TMPRSS3: variants seen among roughly 807,000 people sequenced by gnomAD.
The protein encoded by TMPRSS3 is transmembrane protease serine 3.
A neutral mutation model predicts 59.6 loss-of-function variants in TMPRSS3; 55 were observed. The observed-to-expected ratio is 0.92, with a 90% CI of 0.74 to 1.16. TMPRSS3 has a LOEUF of 1.16. Among genes scored for constraint, TMPRSS3 ranks in the 50% most tolerant of loss-of-function variants. TMPRSS3 has a pLI of 0.00. For synonymous variants in TMPRSS3, 257 were observed against 237.7 expected (o/e 1.08, Z -0.75); for missense variants, 596 against 579.4 (o/e 1.03, Z -0.29).
chr21:42,389,335 G>C (rs774518343), intron 3 of TMPRSS3, among the ~76,000 whole-genome samples: 1 of 152,200 alleles, frequency 6.6e-6, no homozygotes, highest in Non-Finnish European at 1.5e-5. Context: ...ACTGCATGGC[G>C]GGGGGCCGAC....
chr21:42,382,813 A>C, intron 8 of TMPRSS3: 2 of 621,588 alleles, frequency 3.2e-6, no homozygotes, highest in Non-Finnish European at 5.7e-6. Flanking sequence ...CCCTTTCTCT[A>C]GGAGCTACAA....
At chr21:42,389,110 T>A in intron 3 of TMPRSS3, 65 bp from the exon 4 acceptor site, 1 of 1,604,368 alleles carries the variant, frequency 6.2e-7, no homozygotes, top group Non-Finnish European at 8.5e-7. Context: ...CTAACAACTG[T>A]CCCCCTGCCA....
Position 42,383,095 on chromosome 21 carries a change from G to T in TMPRSS3, c.720C>A (p.His240Gln), listed in dbSNP as rs1449705088. 3 of 1,614,190 alleles carry T rather than the reference G, an allele frequency of 1.9e-6. No individual in the cohort carries two copies. The highest frequency in any genetic ancestry group is 2.5e-6 in the Non-Finnish European group (3 of 1,180,054). Reference sequence around the variant, plus strand: ...GCGTGATGACAGAGCCCCCGCACAGGTGGTAGCCCTGGAACTGAAGGCTGG... The same window carrying T: ...GCGTGATGACAGAGCCCCCGCACAGTTGGTAGCCCTGGAACTGAAGGCTGG... ...WQASLQFQGY[H>Q]LCGGSVITPL... The change falls in exon 8 of 13, where the codon CAC becomes CAA. Residue 240 changes from histidine to glutamine, a missense_variant. His to Gln is a conservative substitution (Grantham distance 24). Coordinates refer to ENST00000644384, the MANE Select transcript of TMPRSS3 (RefSeq NM_001256317.3).
intron 5 of TMPRSS3, among the ~76,000 whole-genome samples, chr21:42,387,182 G>C (rs2052649228): frequency 6.6e-6 from 1 of 152,130 alleles, no homozygotes; most frequent in Non-Finnish European, 1.5e-5. Flanking sequence ...GGATTGAGCT[G>C]AGTTTTTCTG....
chr21:42,372,666 T>C lies in TMPRSS3; in HGVS notation c.*96A>G. ...GCCGGAACTCAGAGCTCCAAGGGTG[T>C]CTGCTCGTGTGCAGGTTCCTACACG... On this transcript the variant is annotated 3_prime_UTR_variant, in exon 13 of 13. Transcript: ENST00000644384. 7.7e-7 allele frequency: 1 copy of C among 1,305,874 alleles called. No individual in the cohort carries two copies. 80.9% of individuals were successfully genotyped at this position (1,305,874 alleles called of 1,614,324 possible). A position where few individuals can be genotyped will look rare whatever the true frequency, so the allele number is the denominator to read the frequency against.
In TMPRSS3 at chr21:42,388,767, AC is replaced by A. The variant is rs35071541; in HGVS notation, c.322+161del. On this transcript the variant is annotated intron_variant, in intron 4 of 12. Coordinates refer to ENST00000644384, the MANE Select transcript of TMPRSS3 (RefSeq NM_001256317.3). This position sits in a 1 kb window ranked among gnomAD's most constrained non-coding sequence, Gnocchi z 5.1. ...AGAGCTCCATGGAAGGCCCTCCCTG[AC>A]CCCCCAGCCCAACATGTCTTTGGGC... 0.054 allele frequency among the ~76,000 whole-genome samples: 8,151 copies of A among 150,878 alleles called. 260 individuals are homozygous for A. The highest frequency in any genetic ancestry group is 0.12 in the Middle Eastern group (35 of 294).
intron 3 of TMPRSS3, 107 bp downstream of exon 3, chr21:42,389,820 A>G (rs1330691231): frequency 3.0e-5 from 26 of 873,302 alleles, no homozygotes; most frequent in East Asian, 7.4e-5. Context: ...GCCTCCAGTA[A>G]TTAAGGCTGG....
intron 2 of TMPRSS3, among the ~76,000 whole-genome samples, chr21:42,391,003 A>T (rs2052725736): frequency 6.6e-6 from 1 of 152,146 alleles, no homozygotes; most frequent in African/African-American, 2.4e-5. Context: ...GAGACAATAA[A>T]TTCCTGTTGT....
intron 2 of TMPRSS3, among the ~76,000 whole-genome samples, chr21:42,392,456 G>C (rs1034635673): frequency 1.3e-5 from 2 of 152,244 alleles, no homozygotes; most frequent in Admixed American, 6.5e-5. Flanking sequence ...ACCGTGGCAA[G>C]TTCTGTGTTT....
rs116992941 is a variant in TMPRSS3 at position 42,372,844 on chromosome 21, G to A, written c.1345-65C>T. The A allele has an allele frequency of 9.5e-3, 15,203 of 1,593,696 alleles. 97 individuals are homozygous for A. Among genetic ancestry groups the A allele is most frequent in the Middle Eastern group, 0.015 (93 of 6,038 alleles). On this transcript the variant is annotated intron_variant, in intron 12 of 12. Transcript: ENST00000644384. The stretch of plus-strand genomic sequence containing the variant: ...CCAGCCATCCGTCCAACATGATGAC[G>A]GAGCGGGCACCTGCATTTTGCCCTG...
intron 2 of TMPRSS3, among the ~76,000 whole-genome samples, chr21:42,393,062 C>A (rs571056311): frequency 6.6e-6 from 1 of 152,110 alleles, no homozygotes; most frequent in African/African-American, 2.4e-5. Flanking sequence ...CTGCCCAACA[C>A]GGTGAAACCC....
At chr21:42,394,689 C>G (rs1005347196) in intron 2 of TMPRSS3, among the ~76,000 whole-genome samples, 7 of 152,166 alleles carry the variant, frequency 4.6e-5, no homozygotes, top group Non-Finnish European at 7.3e-5. Context: ...TGTGGTTCCT[C>G]CCTAGCACCA....
At chr21:42,394,009 G>A (rs1183668623) in intron 2 of TMPRSS3, among the ~76,000 whole-genome samples, 22 of 152,070 alleles carry the variant, frequency 1.4e-4, no homozygotes. Flanking sequence ...GATAGAAAAA[G>A]GCAAGAAATT....
At chr21:42,376,468 A>G in intron 11 of TMPRSS3, 73 bp downstream of exon 11, 1 of 1,600,754 alleles carries the variant, frequency 6.2e-7, no homozygotes, top group Non-Finnish European at 8.5e-7. Flanking sequence ...TGTCACAGGG[A>G]AACGCTGGCA....
chr21:42,380,201 G>T lies in TMPRSS3; in HGVS notation c.964C>A (p.Pro322Thr). 1 of 1,613,852 alleles carries T rather than the reference G, an allele frequency of 6.2e-7. No homozygotes were observed. The highest frequency in any genetic ancestry group is 8.5e-7 in the Non-Finnish European group (1 of 1,179,794). The change falls in exon 10 of 13, where the codon CCT (proline) becomes ACT (threonine). Residue 322 changes from proline to threonine, a missense_variant. Pro to Thr is a conservative substitution (Grantham distance 38). Coordinates refer to ENST00000644384, the MANE Select transcript of TMPRSS3 (RefSeq NM_001256317.3). ...TCTTCAGAGTTGGGCAGGCACACAG[G>T]CTGGATCATTTCTGCTTGAAGGGAA... ...GPLTFNEMIQPVCLPNSEENF... is the reference protein window; with the variant it reads ...GPLTFNEMIQTVCLPNSEENF...
In TMPRSS3 at chr21:42,383,149, C is replaced by T. The variant is rs373261804; in HGVS notation, c.666G>A (p.Met222Ile). 55 of 1,614,092 alleles carry T rather than the reference C, an allele frequency of 3.4e-5. No individual in the cohort carries two copies. Among genetic ancestry groups the T allele is most frequent in the African/African-American group, 5.3e-5 (4 of 74,930 alleles). ...GYSSRIVGGN[M>I]SLLSQWPWQA... ...GCCAGGGCCACTGCGAGAGCAAGGA[C>T]ATGTTTCCACCCACGATGCGTGAGC... Residue 222 changes from methionine to isoleucine, a missense_variant, in exon 8 of 13, where the codon ATG (methionine) becomes ATA (isoleucine). By Grantham distance (10) the Met-to-Ile change is conservative. Coordinates refer to ENST00000644384, the MANE Select transcript of TMPRSS3 (RefSeq NM_001256317.3).
chr21:42,374,621 C>T lies in TMPRSS3; in HGVS notation c.1344+1095G>A, dbSNP rs540793202. Among the ~76,000 whole-genome samples the T allele has an allele frequency of 9.2e-5, 14 of 152,106 alleles. 1 individual carries two copies. In the East Asian group the frequency reaches 1.9e-3, roughly 21 times the overall value. ...GTAACTGCGTGCTTCTAGGGTGCCG[C>T]GTGTCTTTTGGGAGATGAGAATGCT... On this transcript the variant is annotated intron_variant, in intron 12 of 12. Transcript: ENST00000644384.
Position 42,395,190 on chromosome 21 carries a change from G to A in TMPRSS3, c.94+134C>T, listed in dbSNP as rs1487174221. ...CTCCCTGAGATTCTGCAGATCTAGG[G>A]AAGTGCAGGTGTCCAGCCTGTGGGT... On this transcript the variant is annotated intron_variant, in intron 2 of 12. Transcript: ENST00000644384. 1.3e-5 allele frequency: 10 copies of A among 763,482 alleles called. No homozygotes were observed. In the Admixed American group the frequency reaches 1.6e-4, roughly 12 times the overall value. 47.3% of individuals were successfully genotyped at this position (763,482 alleles called of 1,614,324 possible). A position where few individuals can be genotyped will look rare whatever the true frequency, so the allele number is the denominator to read the frequency against.
At chr21:42,387,575 G>C (rs550154547) in intron 5 of TMPRSS3, among the ~76,000 whole-genome samples, 1 of 152,232 alleles carries the variant, frequency 6.6e-6, no homozygotes, top group Admixed American at 6.5e-5. Context: ...GCTTCCACCA[G>C]CTTTGGGGAA....
Sources: gnomAD v4.1 joint callset for allele counts (sites outside exome capture counted in the v4.1 genomes callset) on GRCh38, gnomAD v4.1.1 for gene constraint, Gnocchi (gnomAD v3.1) non-coding constraint, MANE v1.5 for transcripts, NCBI Gene and HGNC (gene_info 2026-07-23, HGNC 2026-07-21) for gene names.